Variants in AP3S2 observed in about 807,000 individuals in gnomAD.
AP3S2 encodes adaptor related protein complex 3 subunit sigma 2.
Under a neutral mutation model 23.4 loss-of-function variants are expected in AP3S2, and 22 were observed. The ratio of observed to expected loss-of-function variants is 0.94; its 90% CI spans 0.67 to 1.34. The LOEUF (loss-of-function observed/expected upper bound fraction) is 1.34, where lower values mean the gene tolerates loss of function less well. AP3S2 is among the 40% of genes most tolerant of loss of function. The pLI, the probability that AP3S2 is intolerant of heterozygous loss-of-function variation, is 0.00. For missense variants in AP3S2, 241 were observed against 236.9 expected, an observed-to-expected ratio of 1.02 and a Z score of -0.11; for synonymous variants, 86 against 87.1, an observed-to-expected ratio of 0.99 and a Z score of 0.07.
chr15:89,854,126 T>G (rs1596196660), intron 4 of AP3S2, among the ~76,000 whole-genome samples: 1 of 32,404 alleles, frequency 3.1e-5, no homozygotes, highest in Non-Finnish European at 5.9e-5. Flanking sequence ...GGTGGGGGGG[T>G]CAGCCCCCCG....
In AP3S2 at chr15:89,834,522, A is replaced by G. The variant is rs1895145027; in HGVS notation, c.*993T>C. On this transcript the variant is annotated 3_prime_UTR_variant, in exon 6 of 6. Coordinates refer to ENST00000336418, the MANE Select transcript of AP3S2 (RefSeq NM_005829.5). Reference sequence around the variant, plus strand: ...ATTTGGATTGTGTCCTGCACATAACACCTGTGAGAATACAACTGGGACTAG... The same window carrying G: ...ATTTGGATTGTGTCCTGCACATAACGCCTGTGAGAATACAACTGGGACTAG... The G allele has an allele frequency of 6.6e-6, 1 of 152,172 alleles. No individual in the cohort carries two copies. The highest frequency in any genetic ancestry group is 1.5e-5 in the Non-Finnish European group (1 of 68,064). The allele number at this position is 152,172 out of a possible 1,614,324, so 9.4% of individuals were successfully genotyped here.
intron 3 of AP3S2, among the ~76,000 whole-genome samples, chr15:89,878,008 T>TA (rs1347823555): frequency 2.0e-5 from 3 of 152,218 alleles, no homozygotes; most frequent in African/African-American, 7.2e-5. Context: ...TTTTTGAACA[T>TA]AAAGTGCTGT....
At chr15:89,844,626 G>A in intron 4 of AP3S2, among the ~76,000 whole-genome samples, 1 of 151,928 alleles carries the variant, frequency 6.6e-6, no homozygotes, top group African/African-American at 2.4e-5. Context: ...TGGGATTACA[G>A]GTGTGAGCCA....
chr15:89,859,239 TTC>T (rs1291643709), intron 4 of AP3S2, among the ~76,000 whole-genome samples: 4 of 151,058 alleles, frequency 2.6e-5, no homozygotes, highest in Admixed American at 1.3e-4. Flanking sequence ...CCTTCTTTCT[TTC>T]TTTTTCCCTC....
chr15:89,889,817 T>G (rs1398795671), intron 1 of AP3S2, among the ~76,000 whole-genome samples: 1 of 118,976 alleles, frequency 8.4e-6, no homozygotes, highest in African/African-American at 3.4e-5. Flanking sequence ...TGAGCCGAGA[T>G]CACGCCACTG....
intron 1 of AP3S2, among the ~76,000 whole-genome samples, chr15:89,890,154 A>T (rs1170965531): frequency 1.3e-5 from 2 of 150,428 alleles, no homozygotes; most frequent in Non-Finnish European, 3.0e-5. Flanking sequence ...GGTTCAAGCG[A>T]TTCTCCTGCC....
chr15:89,869,317 TA>T (rs1410609635), intron 4 of AP3S2, among the ~76,000 whole-genome samples: 1 of 147,626 alleles, frequency 6.8e-6, no homozygotes, highest in African/African-American at 2.5e-5. Flanking sequence ...CACTCAGGGT[TA>T]AATGGATTAA....
At chr15:89,889,212 A>AG in intron 1 of AP3S2, 72 bp from the exon 2 acceptor site, 3 of 1,533,102 alleles carry the variant, frequency 2.0e-6, no homozygotes, top group Non-Finnish European at 2.7e-6. Context: ...GGGATGGACA[A>AG]GGGAAGAAGT....
chr15:89,845,079 G>A (rs1895454028), intron 4 of AP3S2, among the ~76,000 whole-genome samples: 1 of 151,670 alleles, frequency 6.6e-6, no homozygotes, highest in Admixed American at 6.6e-5. Context: ...CTTATTTTTT[G>A]TATTTTTAGT....
chr15:89,890,961 GAACA>G (rs1484413427), intron 1 of AP3S2, among the ~76,000 whole-genome samples: 2 of 152,150 alleles, frequency 1.3e-5, no homozygotes, highest in Non-Finnish European at 2.9e-5. Flanking sequence ...TCCATTTAAA[GAACA>G]AACAAAGCTC....
intron 4 of AP3S2, among the ~76,000 whole-genome samples, chr15:89,842,284 A>G (rs1183093693): frequency 6.6e-6 from 1 of 152,228 alleles, no homozygotes; most frequent in African/African-American, 2.4e-5. Flanking sequence ...TAATATTTGC[A>G]TAAAAGAAAA....
intron 1 of AP3S2, 198 bp from the exon 2 acceptor site, chr15:89,889,338 A>C (rs1470051362): frequency 1.2e-5 from 7 of 597,100 alleles, no homozygotes; most frequent in Non-Finnish European, 2.1e-5. Flanking sequence ...TGATACAGGA[A>C]TTAAGATAGG....
At chr15:89,883,976 A>G (rs1359514429) in intron 3 of AP3S2, 1 of 152,734 alleles carries the variant, frequency 6.5e-6, no homozygotes, top group East Asian at 1.9e-4. Context: ...TAGGATAAGT[A>G]TAATGCAAAT....
intron 3 of AP3S2, chr15:89,877,274 G>A (rs1475774221): frequency 1.5e-6 from 2 of 1,293,682 alleles, no homozygotes; most frequent in Non-Finnish European, 2.1e-6. Flanking sequence ...TCTTCAACGT[G>A]AGAAATGGAT....
intron 1 of AP3S2, among the ~76,000 whole-genome samples, chr15:89,889,737 G>A (rs1896775942): frequency 6.6e-6 from 1 of 151,868 alleles, no homozygotes; most frequent in Non-Finnish European, 1.5e-5. Context: ...GGTGGCGCAT[G>A]CCTGTAATCC....
intron 4 of AP3S2, among the ~76,000 whole-genome samples, chr15:89,869,350 G>C (rs1896257331): frequency 6.7e-6 from 1 of 148,824 alleles, no homozygotes; most frequent in Non-Finnish European, 1.5e-5. Flanking sequence ...GATGTGCTTT[G>C]TTAAACAGAT....
At chr15:89,884,391 G>T (rs1896643705) in intron 3 of AP3S2, among the ~76,000 whole-genome samples, 1 of 151,410 alleles carries the variant, frequency 6.6e-6, no homozygotes, top group Non-Finnish European at 1.5e-5. Context: ...GGCTAGAAAA[G>T]AATATCTAGT....
rs962034595 is a variant in AP3S2, at chr15:89,834,338, G to A, written c.*1177C>T. 2 of 152,268 alleles carry A rather than the reference G, an allele frequency of 1.3e-5. No individual in the cohort carries two copies. The highest frequency in any genetic ancestry group is 6.5e-5 in the Admixed American group (1 of 15,294). The allele number at this position is 152,268 out of a possible 1,614,324, so 9.4% of individuals were successfully genotyped here. ...TGAGGAGAATGTATTTTAAACTTGG[G>A]AAGAGTCATAATTCTGGGATGTTTC... On this transcript the variant is annotated 3_prime_UTR_variant, in exon 6 of 6. Coordinates refer to ENST00000336418, the MANE Select transcript of AP3S2 (RefSeq NM_005829.5).
intron 4 of AP3S2, chr15:89,865,759 A>G (rs935288203): frequency 1.3e-5 from 2 of 152,242 alleles, no homozygotes; most frequent in African/African-American, 4.8e-5. Context: ...ATTTTCAAGA[A>G]TATTCATGAC....
Sources: allele counts gnomAD v4.1 joint callset (sites outside exome capture counted in the v4.1 genomes callset), GRCh38; gene constraint gnomAD v4.1.1; transcripts MANE v1.5; gene names NCBI Gene and HGNC (gene_info 2026-07-23, HGNC 2026-07-21).